MPHOSPH8: variants seen among roughly 807,000 people sequenced by gnomAD.
MPHOSPH8 encodes M-phase phosphoprotein 8.
Under a neutral mutation model 87.3 loss-of-function variants are expected in MPHOSPH8, and 45 were observed. The observed-to-expected ratio is 0.52, with a 90% CI of 0.41 to 0.66. The LOEUF is 0.66. MPHOSPH8 is among the 30% of genes least tolerant of loss of function. The pLI is 0.00. For missense variants in MPHOSPH8, 883 were observed against 1,020.2 expected, an observed-to-expected ratio of 0.87 and a Z score of 1.83; for synonymous variants, 366 against 376.9, an observed-to-expected ratio of 0.97 and a Z score of 0.33.
At chr13:19,638,501 T>C (rs975338723) in intron 1 of MPHOSPH8, among the ~76,000 whole-genome samples, 5 of 151,296 alleles carry the variant, frequency 3.3e-5, no homozygotes, top group African/African-American at 1.2e-4. Context: ...TAGTCTCAGC[T>C]ACTCGGGAGG....
intron 12 of MPHOSPH8, 111 bp downstream of exon 12, chr13:19,670,474 A>T: frequency 8.1e-7 from 1 of 1,231,046 alleles, no homozygotes; most frequent in Admixed American, 2.6e-5. Flanking sequence ...TCAGAAAACG[A>T]TCCAGTAATA....
At chr13:19,638,877 G>C (rs187076821) in intron 1 of MPHOSPH8, among the ~76,000 whole-genome samples, 1 of 151,730 alleles carries the variant, frequency 6.6e-6, no homozygotes, top group East Asian at 2.0e-4. Context: ...GAGGTCAGGA[G>C]TTCAAGACCA....
At chr13:19,651,527 C>CAA (rs61216914) in intron 5 of MPHOSPH8, among the ~76,000 whole-genome samples, 2 of 99,962 alleles carry the variant, frequency 2.0e-5, no homozygotes, top group Admixed American at 1.1e-4. Flanking sequence ...ACTCCACCTC[C>CAA]AAAAAAAAAA....
At chr13:19,660,118 G>A (rs1311921832) in intron 7 of MPHOSPH8, among the ~76,000 whole-genome samples, 3 of 150,416 alleles carry the variant, frequency 2.0e-5, no homozygotes, top group Non-Finnish European at 4.4e-5. Flanking sequence ...CTGCCACCTC[G>A]CCCGGCTAAT....
rs1876151616 is a variant in MPHOSPH8, at chr13:19,671,904, C to T, written c.*29C>T. Reference sequence around the variant, plus strand: ...AACAGAAGGGACTGGGCGGAGTTCTCTTCAGACCGATTCCTATACTCTCTT... The same window carrying T: ...AACAGAAGGGACTGGGCGGAGTTCTTTTCAGACCGATTCCTATACTCTCTT... On this transcript the variant is annotated 3_prime_UTR_variant, in exon 14 of 14. Coordinates refer to ENST00000361479, the MANE Select transcript of MPHOSPH8 (RefSeq NM_017520.4). 2 of 1,608,740 alleles carry T rather than the reference C, an allele frequency of 1.2e-6. No individual in the cohort carries two copies.
intron 4 of MPHOSPH8, among the ~76,000 whole-genome samples, chr13:19,649,399 T>TTCAATATA (rs1874728503): frequency 6.6e-6 from 1 of 152,180 alleles, no homozygotes; most frequent in Admixed American, 6.5e-5. Context: ...GTTTTCAATA[T>TTCAATATA]TCCCTGATAA....
At chr13:19,634,051 A>G in intron 1 of MPHOSPH8, 90 bp downstream of exon 1, 6 of 1,318,306 alleles carry the variant, frequency 4.6e-6, no homozygotes, top group Non-Finnish European at 5.3e-6. Flanking sequence ...GGCAGACCCA[A>G]AACAGGAGCG....
At chr13:19,668,944 G>A (rs1293219042) in intron 11 of MPHOSPH8, among the ~76,000 whole-genome samples, 1 of 152,130 alleles carries the variant, frequency 6.6e-6, no homozygotes, top group South Asian at 2.1e-4. Flanking sequence ...GCCTCTGCTC[G>A]ACAGACCCTC....
intron 1 of MPHOSPH8, among the ~76,000 whole-genome samples, chr13:19,635,878 G>C (rs536566527): frequency 2.8e-4 from 42 of 152,266 alleles, no homozygotes; most frequent in Non-Finnish European, 5.6e-4. Context: ...AGGTAGGATC[G>C]TGGGAGTGGT....
At chr13:19,651,864 C>T (rs7335603) in intron 5 of MPHOSPH8, among the ~76,000 whole-genome samples, 16,190 of 151,902 alleles carry the variant, frequency 0.11, 1,054 homozygotes, top group African/African-American at 0.18. Context: ...CTTTGGGAGG[C>T]CGAGGCAGGC....
intron 4 of MPHOSPH8, 40 bp from the exon 5 acceptor site, chr13:19,649,963 G>T (rs1403333043): frequency 1.4e-6 from 2 of 1,456,872 alleles, no homozygotes; most frequent in East Asian, 2.3e-5. Flanking sequence ...ACAGAAATTT[G>T]TGACTCATAC....
At position 19,661,731 on chromosome 13, in the gene MPHOSPH8, G is replaced by C; in HGVS notation, c.1825G>C (p.Ala609Pro). ...SSGMTLVMLA[A>P]AGGQDDLLRL... is the part of the protein sequence containing the mutation. ...TGGAATGACACTGGTGATGCTTGCC[G>C]CCGCCGGAGGGCAGGACGACCTCCT... The change falls in exon 8 of 14, where the codon GCC (alanine) becomes CCC (proline). Residue 609 changes from alanine to proline, a missense_variant. Transcript: ENST00000361479. 1 of 1,609,792 alleles carries C rather than the reference G, an allele frequency of 6.2e-7. No individual in the cohort carries two copies. Among genetic ancestry groups the C allele is most frequent in the Non-Finnish European group, 8.5e-7 (1 of 1,177,160 alleles).
At chr13:19,662,890 C>A in intron 8 of MPHOSPH8, 150 bp from the exon 9 acceptor site, 1 of 662,376 alleles carries the variant, frequency 1.5e-6, no homozygotes, top group Non-Finnish European at 2.6e-6. Context: ...CGGGGTGCAC[C>A]CCCGTGGCCC....
In MPHOSPH8 at chr13:19,656,112, T is replaced by TAATAA. The variant is rs200240326; in HGVS notation, c.1577-2866_1577-2862dup. Among the ~76,000 whole-genome samples the TAATAA allele has an allele frequency of 1.3e-3, 192 of 151,370 alleles. 1 individual carries two copies. The East Asian group carries it at 0.028, about 22-fold the overall frequency. ...GCAAAACTCCGTCTCAACAACAACG[T>TAATAA]AATAAAATAAAATAAAATAAACCAG... is the stretch of plus-strand genomic sequence containing the variant. On this transcript the variant is annotated intron_variant, in intron 5 of 13. Transcript: ENST00000361479.
At chr13:19,649,495 T>A (rs2137515372) in intron 4 of MPHOSPH8, among the ~76,000 whole-genome samples, 1 of 152,328 alleles carries the variant, frequency 6.6e-6, no homozygotes, top group East Asian at 1.9e-4. Flanking sequence ...ATGTCAGGTC[T>A]AGTACCTGCC....
intron 12 of MPHOSPH8, 44 bp downstream of exon 12, chr13:19,670,407 A>C (rs1387148554): frequency 1.3e-6 from 2 of 1,585,514 alleles, no homozygotes; most frequent in African/African-American, 2.7e-5. Context: ...CATTCTTCTA[A>C]TCAAAAGCAC....
At chr13:19,643,506 A>AT (rs1874405017) in intron 2 of MPHOSPH8, among the ~76,000 whole-genome samples, 1 of 152,092 alleles carries the variant, frequency 6.6e-6, no homozygotes, top group Non-Finnish European at 1.5e-5. Context: ...TCGGCCTCCC[A>AT]AAGTGTTGGT....
At chr13:19,652,822 C>T (rs907377853) in intron 5 of MPHOSPH8, among the ~76,000 whole-genome samples, 2 of 152,120 alleles carry the variant, frequency 1.3e-5, no homozygotes, top group African/African-American at 2.4e-5. Flanking sequence ...CCGGGATGTT[C>T]GAACTGGGAG....
intron 5 of MPHOSPH8, among the ~76,000 whole-genome samples, chr13:19,656,111 G>A (rs1000946505): frequency 1.3e-5 from 2 of 151,338 alleles, no homozygotes; most frequent in Non-Finnish European, 2.9e-5. Context: ...CAACAACAAC[G>A]TAATAAAATA....
Sources: gnomAD v4.1 joint callset for allele counts (sites outside exome capture counted in the v4.1 genomes callset) on GRCh38, gnomAD v4.1.1 for gene constraint, MANE v1.5 for transcripts, NCBI Gene and HGNC (gene_info 2026-07-23, HGNC 2026-07-21) for gene names.